Variants in AFM observed in about 807,000 individuals in gnomAD.
The protein encoded by AFM is alpha-Alb.
In AFM, 82 loss-of-function variants were observed where a neutral mutation model predicts 68.7. The observed-to-expected ratio is 1.19, with a 90% CI of 1.00 to 1.43. The LOEUF (loss-of-function observed/expected upper bound fraction) is 1.43. Ranked by LOEUF, AFM falls within the 40% of genes most tolerant of loss-of-function variation. AFM has a pLI of 0.00. For synonymous variants in AFM, 250 were observed against 234.2 expected (o/e 1.07, Z -0.61); for missense variants, 772 against 701.8 (o/e 1.10, Z -1.13).
chr4:73,503,054 CA>C lies in AFM; in HGVS notation c.1789del (p.Ile597LeufsTer31). 6.2e-7 allele frequency: 1 copy of C among 1,612,852 alleles called. No homozygotes were observed. Among genetic ancestry groups the C allele is most frequent in the Non-Finnish European group, 8.5e-7 (1 of 1,179,244 alleles). ...SPEVCFNEES[P>X]KIGN is the part of the protein sequence containing the mutation. ...TATTTCCATCCCTCACCTCAGAGTCCAAAAATTGGCAACTGAAGCCAGCTGC... is the reference window on the plus strand; with the variant it reads ...TATTTCCATCCCTCACCTCAGAGTCCAAAATTGGCAACTGAAGCCAGCTGC... On this transcript the variant is annotated frameshift_variant, in exon 14 of 15. Transcript: ENST00000226355. LOFTEE classifies it high-confidence loss of function.
At position 73,492,094 on chromosome 4, in the gene AFM, A is replaced by T; in HGVS notation, c.1058+8A>T. Reference sequence around the variant, plus strand: ...AGACACCTTCTTTGCGAAGTAATATAACTCTTTATTGAATTTATAAGGGAA... The same window carrying T: ...AGACACCTTCTTTGCGAAGTAATATTACTCTTTATTGAATTTATAAGGGAA... On this transcript the variant is annotated splice_region_variant and intron_variant, in intron 8 of 14. Coordinates refer to ENST00000226355, the MANE Select transcript of AFM (RefSeq NM_001133.2). 1 of 1,593,334 alleles carries T rather than the reference A, an allele frequency of 6.3e-7. No homozygotes were observed. Among genetic ancestry groups the T allele is most frequent in the Non-Finnish European group, 8.5e-7 (1 of 1,172,894 alleles).
chr4:73,497,591 G>A, intron 9 of AFM, 61 bp from the exon 10 acceptor site: 1 of 1,138,936 alleles, frequency 8.8e-7, no homozygotes, highest in Non-Finnish European at 1.3e-6. Context: ...ACACATTGAT[G>A]TAAAGCTTAT....
intron 8 of AFM, among the ~76,000 whole-genome samples, chr4:73,493,203 G>A (rs1250613043): frequency 6.6e-6 from 1 of 152,164 alleles, no homozygotes; most frequent in Non-Finnish European, 1.5e-5. Flanking sequence ...GGTAGGTGGG[G>A]CCAGATCATG....
rs1721083305 is a variant in AFM at position 73,492,010 on chromosome 4, C to A, written c.982C>A (p.Leu328Ile). Residue 328 changes from leucine (L) to isoleucine (I), a missense_variant, in exon 8 of 15, where the codon CTA (leucine) becomes ATA (isoleucine). Leu to Ile is a conservative substitution (Grantham distance 5). Transcript: ENST00000226355. ...AGATGATAGACCAAAGGATTTATCTCTAAGAGAAGGAAAATTTACTGACAG... is the reference window on the plus strand; with the variant it reads ...AGATGATAGACCAAAGGATTTATCTATAAGAGAAGGAAAATTTACTGACAG... ...NKDDRPKDLS[L>I]REGKFTDSEN... The A allele has an allele frequency of 1.9e-6, 3 of 1,613,508 alleles. No individual in the cohort carries two copies. Among genetic ancestry groups the A allele is most frequent in the Non-Finnish European group, 2.5e-6 (3 of 1,179,838 alleles).
Position 73,484,508 on chromosome 4 carries a change from TTCTTTCTTTC to T in AFM, c.270+120_270+129del, listed in dbSNP as rs1560408210. The T allele has an allele frequency of 1.1e-4, 76 of 718,200 alleles. No homozygotes were observed. In the African/African-American group the frequency reaches 2.0e-3, roughly 19 times the overall value. The allele number at this position is 718,200 out of a possible 1,614,324, so 44.5% of individuals were successfully genotyped here. A position where few individuals can be genotyped will look rare whatever the true frequency, so the allele number is the denominator to read the frequency against. ...TTTCTTTCTTTCTTTCTTTCTTTCA[TTCTTTCTTTC>T]TTCTTTCTTTCTTTCTTTCCTTCTT... On this transcript the variant is annotated intron_variant, in intron 3 of 14. Coordinates refer to ENST00000226355, the MANE Select transcript of AFM (RefSeq NM_001133.2).
At chr4:73,501,670 C>T in intron 12 of AFM, 117 bp from the exon 13 acceptor site, 1 of 1,153,938 alleles carries the variant, frequency 8.7e-7, no homozygotes, top group South Asian at 1.7e-5. Flanking sequence ...TATATTTCAA[C>T]TCTTTACCCA....
intron 1 of AFM, among the ~76,000 whole-genome samples, chr4:73,482,745 C>A (rs1465014480): frequency 6.6e-6 from 1 of 152,134 alleles, no homozygotes; most frequent in East Asian, 1.9e-4. Context: ...CTCCTATGGC[C>A]TTCTTACTTT....
intron 8 of AFM, 50 bp from the exon 9 acceptor site, chr4:73,495,249 GT>G: frequency 6.6e-7 from 1 of 1,518,472 alleles, no homozygotes. Flanking sequence ...GTGGAATTGG[GT>G]TTTTTGCTCT....
intron 6 of AFM, among the ~76,000 whole-genome samples, chr4:73,488,163 T>C (rs1267497148): frequency 6.6e-6 from 1 of 152,206 alleles, no homozygotes; most frequent in Non-Finnish European, 1.5e-5. Context: ...AATGAGGAGA[T>C]AAATTTTATC....
In AFM at chr4:73,484,474, C is replaced by CTTTCTTTCTT. The variant is rs1553893993; in HGVS notation, c.270+86_270+95dup. 284 of 585,058 alleles carry CTTTCTTTCTT rather than the reference C, an allele frequency of 4.9e-4. 2 individuals are homozygous for CTTTCTTTCTT. The highest frequency in any genetic ancestry group is 5.8e-4 in the Non-Finnish European group (213 of 365,980). The allele number at this position is 585,058 out of a possible 1,614,324, so 36.2% of individuals were successfully genotyped here. ...TCTTTCTTTCTTTCTTTCTTTCTTTCTTTCTTTCTTTCTTTCTTTCTTTCT... is the reference window on the plus strand; with the variant it reads ...TCTTTCTTTCTTTCTTTCTTTCTTTCTTTCTTTCTTTTTCTTTCTTTCTTTCTTTCTTTCT... On this transcript the variant is annotated intron_variant, in intron 3 of 14. Coordinates refer to ENST00000226355, the MANE Select transcript of AFM (RefSeq NM_001133.2).
chr4:73,490,464 G>A (rs1721041815), intron 7 of AFM, among the ~76,000 whole-genome samples: 2 of 152,202 alleles, frequency 1.3e-5, no homozygotes, highest in East Asian at 1.9e-4. Flanking sequence ...TGTCGCCCAG[G>A]CTGGAGTGCA....
At chr4:73,489,469 A>G (rs952877505) in intron 7 of AFM, among the ~76,000 whole-genome samples, 1 of 152,116 alleles carries the variant, frequency 6.6e-6, no homozygotes, top group Admixed American at 6.6e-5. Context: ...ACTATTTAAG[A>G]TATGCATTAC....
chr4:73,495,259 C>T (rs1177879413), intron 8 of AFM, 41 bp from the exon 9 acceptor site: 3 of 1,535,412 alleles, frequency 2.0e-6, no homozygotes, highest in South Asian at 1.3e-5. Context: ...GTTTTTTGCT[C>T]TTTCTCTAAT....
At chr4:73,496,871 CT>C (rs1721274026) in intron 9 of AFM, among the ~76,000 whole-genome samples, 1 of 152,088 alleles carries the variant, frequency 6.6e-6, no homozygotes, top group Non-Finnish European at 1.5e-5. Flanking sequence ...ATATGTGCTA[CT>C]TTTGCTTTAG....
At position 73,494,216 on chromosome 4, in the gene AFM, G is replaced by T. The variant is rs199809499; in HGVS notation, c.1059-1084G>T. ...ATATCTCACAAATGGAATTGAAAAA[G>T]CAAATGGGAAGCTGGAGAGATGGTT... On this transcript the variant is annotated intron_variant, in intron 8 of 14. Transcript: ENST00000226355. 2.0e-5 allele frequency among the ~76,000 whole-genome samples: 3 copies of T among 152,058 alleles called. No homozygotes were observed. In the East Asian group the frequency reaches 5.8e-4, roughly 29 times the overall value.
rs1414195235 is a variant in AFM at position 73,497,555 on chromosome 4, A to G, written c.1192-97A>G. ...AGTGTAATAATGAGAATTTGAAAAT[A>G]CCATAGAAATAAGAAATGCTATTCT... On this transcript the variant is annotated intron_variant, in intron 9 of 14. Transcript: ENST00000226355. 1.0e-5 allele frequency: 7 copies of G among 699,064 alleles called. No homozygotes were observed. The East Asian group carries it at 1.9e-4, about 19-fold the overall frequency. The allele number at this position is 699,064 out of a possible 1,614,324, so 43.3% of individuals were successfully genotyped here. A position where few individuals can be genotyped will look rare whatever the true frequency, so the allele number is the denominator to read the frequency against.
At chr4:73,499,054 A>T (rs1721339966) in intron 10 of AFM, 60 bp from the exon 11 acceptor site, 4 of 1,564,180 alleles carry the variant, frequency 2.6e-6, no homozygotes, top group Non-Finnish European at 3.5e-6. Context: ...TTCAGCAGTA[A>T]TTCAAGGGAA....
chr4:73,498,412 A>G (rs1721318478), intron 10 of AFM, among the ~76,000 whole-genome samples: 1 of 152,046 alleles, frequency 6.6e-6, no homozygotes, highest in South Asian at 2.1e-4. Context: ...CAGCCTCTCA[A>G]GTAGCTAGGG....
chr4:73,493,948 T>C (rs1028551665), intron 8 of AFM, among the ~76,000 whole-genome samples: 3 of 152,170 alleles, frequency 2.0e-5, no homozygotes, highest in Non-Finnish European at 2.9e-5. Context: ...CTCAGTGTTT[T>C]AAGGTAGAGT....
Sources: allele counts gnomAD v4.1 joint callset (sites outside exome capture counted in the v4.1 genomes callset), GRCh38; gene constraint gnomAD v4.1.1; transcripts MANE v1.5; gene names NCBI Gene and HGNC (gene_info 2026-07-23, HGNC 2026-07-21).